The following DCDC1 variants were observed in gnomAD, a reference collection of about 807,000 sequenced individuals.
The protein encoded by DCDC1 is doublecortin domain-containing protein 1.
DCDC1 carries 200 observed loss-of-function variants against 178.3 expected under a neutral mutation model. That is an observed-to-expected ratio of 1.12 (90% CI 1.00 to 1.26). DCDC1 has a LOEUF of 1.26. Among genes scored for constraint, DCDC1 ranks in the 50% most tolerant of loss-of-function variants. The pLI, the probability that DCDC1 is intolerant of heterozygous loss-of-function variation, is 0.00. For missense variants in DCDC1, 1,983 were observed against 1,749.2 expected, an observed-to-expected ratio of 1.13 and a Z score of -2.38; for synonymous variants, 690 against 604.8, an observed-to-expected ratio of 1.14 and a Z score of -2.07.
chr11:30,879,802 C>T (rs1013086326), intron 37 of DCDC1, among the ~76,000 whole-genome samples: 2 of 152,174 alleles, frequency 1.3e-5, no homozygotes, highest in East Asian at 1.9e-4. Flanking sequence ...CTCTCTTTGT[C>T]GTTGGATACC....
chr11:30,915,572 C>A lies in DCDC1; in HGVS notation c.3592G>T (p.Val1198Phe). 6.2e-7 allele frequency: 1 copy of A among 1,613,976 alleles called. No homozygotes were observed. The highest frequency in any genetic ancestry group is 1.1e-5 in the South Asian group (1 of 91,090). ...GPNLRSGMEV[V>F]LVEKKSDGSH... The stretch of plus-strand genomic sequence containing the variant: ...CCATCAGATTTCTTCTCCACCAAAA[C>A]CACCTCCATGCCTGATCGGAGATTG... Residue 1198 changes from valine (V) to phenylalanine (F), a missense_variant, in exon 27 of 39, where the codon GTT becomes TTT. Transcript: ENST00000684477.
chr11:31,265,873 T>C (rs1945122955), intron 7 of DCDC1, among the ~76,000 whole-genome samples: 1 of 149,060 alleles, frequency 6.7e-6, no homozygotes, highest in Non-Finnish European at 1.5e-5. Context: ...TTAATATCTA[T>C]TATTTATCTA....
At chr11:31,115,511 A>G (rs1413511166) in intron 11 of DCDC1, among the ~76,000 whole-genome samples, 1 of 152,164 alleles carries the variant, frequency 6.6e-6, no homozygotes, top group Non-Finnish European at 1.5e-5. Flanking sequence ...TGTGTTGCCA[A>G]AGTTGGTTGG....
chr11:31,201,194 A>G (rs185055262), intron 9 of DCDC1, among the ~76,000 whole-genome samples: 174 of 152,166 alleles, frequency 1.1e-3, no homozygotes, highest in African/African-American at 3.9e-3. Flanking sequence ...GCTTACTTCA[A>G]TGGTTTCTTT....
chr11:30,917,906 T>C (rs1423414438), intron 25 of DCDC1, among the ~76,000 whole-genome samples: 2 of 152,220 alleles, frequency 1.3e-5, no homozygotes, highest in African/African-American at 4.8e-5. Flanking sequence ...ACAATTCCTG[T>C]GCTAGCAGAG....
chr11:30,965,915 T>C (rs1477809557), intron 20 of DCDC1, among the ~76,000 whole-genome samples: 4 of 90,060 alleles, frequency 4.4e-5, no homozygotes, highest in African/African-American at 1.9e-4. Flanking sequence ...TCCATGTCCC[T>C]ACAAAGGACA....
chr11:31,010,194 A>G (rs1046351120), intron 20 of DCDC1, among the ~76,000 whole-genome samples: 1 of 152,170 alleles, frequency 6.6e-6, no homozygotes, highest in Non-Finnish European at 1.5e-5. Flanking sequence ...TATACAATTA[A>G]CCATCACAAG....
At chr11:30,907,321 G>C (rs1945134800) in intron 29 of DCDC1, among the ~76,000 whole-genome samples, 1 of 152,078 alleles carries the variant, frequency 6.6e-6, no homozygotes, top group Admixed American at 6.6e-5. Context: ...ACTAGAAATT[G>C]TGGCAGATTA....
intron 1 of DCDC1, among the ~76,000 whole-genome samples, chr11:31,362,615 C>A (rs745953652): frequency 1.3e-5 from 2 of 152,154 alleles, no homozygotes; most frequent in African/African-American, 4.8e-5. Flanking sequence ...TTGTCTGTTA[C>A]TTTAACTATC....
chr11:31,188,884 A>G (rs1969814610), intron 9 of DCDC1, among the ~76,000 whole-genome samples: 1 of 152,160 alleles, frequency 6.6e-6, no homozygotes, highest in Admixed American at 6.5e-5. Context: ...TTATGAAGTG[A>G]GGCCTTTGGA....
At chr11:31,148,676 C>A (rs182615935) in intron 9 of DCDC1, among the ~76,000 whole-genome samples, 4 of 149,888 alleles carry the variant, frequency 2.7e-5, no homozygotes, top group Non-Finnish European at 4.4e-5. Flanking sequence ...ATGATGGTTT[C>A]TTTTATACAG....
chr11:30,927,673 A>G (rs973468073), intron 22 of DCDC1, among the ~76,000 whole-genome samples: 1 of 152,208 alleles, frequency 6.6e-6, no homozygotes. Context: ...AACAACAACA[A>G]AAGTTCTGTA....
intron 9 of DCDC1, among the ~76,000 whole-genome samples, chr11:31,141,750 T>C (rs1365505217): frequency 6.6e-6 from 1 of 152,196 alleles, no homozygotes; most frequent in African/African-American, 2.4e-5. Context: ...AACATGGTTA[T>C]AAAGGCCAGC....
intron 3 of DCDC1, among the ~76,000 whole-genome samples, chr11:31,323,218 C>T (rs966416391): frequency 1.3e-5 from 2 of 152,086 alleles, no homozygotes; most frequent in African/African-American, 4.8e-5. Flanking sequence ...AAGCAGGAAA[C>T]GCGGCTACTT....
intron 9 of DCDC1, among the ~76,000 whole-genome samples, chr11:31,166,625 A>G (rs1265295912): frequency 6.6e-6 from 1 of 152,186 alleles, no homozygotes; most frequent in Non-Finnish European, 1.5e-5. Context: ...TATGTGGGTC[A>G]TCATTTTTTT....
At chr11:30,878,427 C>T (rs1942341763) in intron 38 of DCDC1, 117 bp downstream of exon 38, 5 of 996,462 alleles carry the variant, frequency 5.0e-6, no homozygotes, top group Non-Finnish European at 6.9e-6. Flanking sequence ...ACACTCCAGC[C>T]TGGGTGACAG....
At chr11:31,342,510 G>T (rs1226237192) in intron 1 of DCDC1, among the ~76,000 whole-genome samples, 1 of 152,176 alleles carries the variant, frequency 6.6e-6, no homozygotes, top group Non-Finnish European at 1.5e-5. Context: ...ATAAGAAAAA[G>T]ATCTGTTTAT....
At chr11:30,867,808 G>GA (rs149978100) in intron 38 of DCDC1, among the ~76,000 whole-genome samples, 3,183 of 152,140 alleles carry the variant, frequency 0.021, 116 homozygotes, top group African/African-American at 0.071. Context: ...AGAGAGAGAG[G>GA]AAAAAATAAA....
chr11:31,349,576 T>C (rs972495802), intron 1 of DCDC1, among the ~76,000 whole-genome samples: 5 of 152,238 alleles, frequency 3.3e-5, no homozygotes, highest in African/African-American at 1.2e-4. Flanking sequence ...GAAATGCTCA[T>C]ATTAAGATTT....
Sources: gnomAD v4.1 joint callset for allele counts (sites outside exome capture counted in the v4.1 genomes callset) on GRCh38, gnomAD v4.1.1 for gene constraint, MANE v1.5 for transcripts, NCBI Gene and HGNC (gene_info 2026-07-23, HGNC 2026-07-21) for gene names.